MGAT4C: variants seen among roughly 807,000 people sequenced by gnomAD.
MGAT4C encodes alpha-1,3-mannosyl-glycoprotein 4-beta-N-acetylglucosaminyltransferase C.
In MGAT4C, 19 loss-of-function variants were observed where a neutral mutation model predicts 40.1. The ratio of observed to expected loss-of-function variants is 0.47; its 90% CI spans 0.33 to 0.70. The LOEUF is 0.70. MGAT4C is among the 30% of genes least tolerant of loss of function. MGAT4C has a pLI of 0.02. For missense variants in MGAT4C, 491 were observed against 563.2 expected (o/e 0.87, Z 1.30); for synonymous variants, 181 against 187.1 (o/e 0.97, Z 0.27).
chr12:86,320,855 T>C (rs1385510385), intron 4 of MGAT4C, among the ~76,000 whole-genome samples: 1 of 152,160 alleles, frequency 6.6e-6, no homozygotes, highest in Non-Finnish European at 1.5e-5. Context: ...AATGACATCA[T>C]AAAGTAGCAA....
intron 1 of MGAT4C, among the ~76,000 whole-genome samples, chr12:86,774,689 ATTCT>A (rs1951723059): frequency 6.6e-6 from 1 of 151,836 alleles, no homozygotes; most frequent in African/African-American, 2.4e-5. Context: ...TGTTAATATG[ATTCT>A]TTATTACTAT....
intron 1 of MGAT4C, among the ~76,000 whole-genome samples, chr12:86,156,034 C>T (rs1884889943): frequency 6.6e-6 from 1 of 152,158 alleles, no homozygotes; most frequent in Non-Finnish European, 1.5e-5. Context: ...ACCTGGAAAT[C>T]TTAAAATTTC....
intron 1 of MGAT4C, among the ~76,000 whole-genome samples, chr12:86,739,579 T>G (rs1951035602): frequency 6.6e-6 from 1 of 151,034 alleles, no homozygotes; most frequent in African/African-American, 2.4e-5. Flanking sequence ...CAGACTTTTC[T>G]TATCATTATT....
At chr12:86,788,805 T>C (rs1951976494) in intron 1 of MGAT4C, among the ~76,000 whole-genome samples, 1 of 152,122 alleles carries the variant, frequency 6.6e-6, no homozygotes, top group Non-Finnish European at 1.5e-5. Context: ...ATGTAGAAAA[T>C]GCTGTGCTAT....
intron 2 of MGAT4C, among the ~76,000 whole-genome samples, chr12:86,664,062 T>C (rs1017323471): frequency 6.6e-6 from 1 of 152,076 alleles, no homozygotes; most frequent in African/African-American, 2.4e-5. Context: ...TCAGTCAGTA[T>C]AAAAAACAAA....
intron 3 of MGAT4C, among the ~76,000 whole-genome samples, chr12:85,985,122 C>G (rs1243458078): frequency 6.6e-6 from 1 of 152,176 alleles, no homozygotes; most frequent in Admixed American, 6.6e-5. Flanking sequence ...TCAAGCTAGG[C>G]ATGTGCTAGC....
At position 85,957,595 on chromosome 12, in the gene MGAT4C, A is replaced by ATAGCTC. The variant is rs1882862525; in HGVS notation, c.*21688_*21693dup. ...ATCCTCCTTCTAGCTATGGCTGAAG[A>ATAGCTC]TAGCTCTGTTATGTCAAATAAAACC... is the stretch of plus-strand genomic sequence containing the variant. On this transcript the variant is annotated 3_prime_UTR_variant, in exon 5 of 5. Transcript: ENST00000611864. The ATAGCTC allele has an allele frequency of 6.7e-6, 1 of 149,772 alleles. No homozygotes were observed. Among genetic ancestry groups the ATAGCTC allele is most frequent in the Non-Finnish European group, 1.5e-5 (1 of 67,632 alleles). The allele number at this position is 149,772 out of a possible 1,614,324, so 9.3% of individuals were successfully genotyped here. A position where few individuals can be genotyped will look rare whatever the true frequency, so the allele number is the denominator to read the frequency against.
intron 2 of MGAT4C, among the ~76,000 whole-genome samples, chr12:86,628,653 A>G (rs1299569358): frequency 6.6e-6 from 1 of 152,178 alleles, no homozygotes; most frequent in Non-Finnish European, 1.5e-5. Context: ...ACTAAGCTTC[A>G]TAAGTGAAGG....
At chr12:86,405,089 T>C (rs1188400968) in intron 3 of MGAT4C, among the ~76,000 whole-genome samples, 1 of 152,054 alleles carries the variant, frequency 6.6e-6, no homozygotes, top group Non-Finnish European at 1.5e-5. Context: ...CCCAGAATGC[T>C]TTTTATCAAT....
At chr12:86,275,934 A>G (rs1332509940) in intron 4 of MGAT4C, among the ~76,000 whole-genome samples, 1 of 136,266 alleles carries the variant, frequency 7.3e-6, no homozygotes, top group Admixed American at 8.0e-5. Flanking sequence ...CCCCGTCTCT[A>G]CTAAAAATCC....
exon 3 of MGAT4C, chr12:86,435,256 T>C (rs1015528150): frequency 2.6e-5 from 4 of 151,918 alleles, no homozygotes; most frequent in Non-Finnish European, 5.9e-5. Context: ...ATCTGGCTGA[T>C]CTCCAGTTCC....
At chr12:86,001,937 G>A (rs920349817) in intron 2 of MGAT4C, 22 of 152,034 alleles carry the variant, frequency 1.4e-4, no homozygotes, top group African/African-American at 5.3e-4. Flanking sequence ...GAGACTTCAG[G>A]ATCTCTTTGG....
At chr12:86,020,672 A>G (rs191332766) in intron 2 of MGAT4C, among the ~76,000 whole-genome samples, 110 of 152,352 alleles carry the variant, frequency 7.2e-4, no homozygotes, top group African/African-American at 2.5e-3. Context: ...GGACATAGGC[A>G]TGGGCAAGGA....
intron 3 of MGAT4C, among the ~76,000 whole-genome samples, chr12:86,375,766 TTAACAATGAGAACAC>T (rs1173419512): frequency 6.6e-6 from 1 of 152,060 alleles, no homozygotes; most frequent in African/African-American, 2.4e-5. Context: ...AAGATTGTCA[TTAACAATGAGAACAC>T]TAACAATGAG....
At chr12:86,107,625 T>G (rs984302878) in intron 1 of MGAT4C, among the ~76,000 whole-genome samples, 4 of 152,148 alleles carry the variant, frequency 2.6e-5, no homozygotes, top group Non-Finnish European at 5.9e-5. Context: ...ATGTACAACA[T>G]CTCATGTATT....
intron 4 of MGAT4C, among the ~76,000 whole-genome samples, chr12:86,324,683 T>C (rs1954483254): frequency 6.6e-6 from 1 of 151,948 alleles, no homozygotes; most frequent in Middle Eastern, 3.2e-3. Flanking sequence ...AACTAATCCA[T>C]AGAGAAACGA....
chr12:86,037,133 A>T (rs1287894165), intron 2 of MGAT4C, among the ~76,000 whole-genome samples: 1 of 150,018 alleles, frequency 6.7e-6, no homozygotes, highest in Non-Finnish European at 1.5e-5. Context: ...ATCAGTGGTG[A>T]TATCCCCTCG....
At chr12:86,630,296 A>G (rs907057169) in intron 2 of MGAT4C, among the ~76,000 whole-genome samples, 4 of 152,132 alleles carry the variant, frequency 2.6e-5, no homozygotes, top group African/African-American at 9.6e-5. Context: ...AGGACCAGAC[A>G]GATTCACAGC....
intron 4 of MGAT4C, among the ~76,000 whole-genome samples, chr12:86,320,378 C>T (rs1399738950): frequency 6.6e-6 from 1 of 152,062 alleles, no homozygotes; most frequent in Non-Finnish European, 1.5e-5. Flanking sequence ...AGATGTTCTG[C>T]ATAAAGGTGG....
Sources: gnomAD v4.1 joint callset for allele counts (sites outside exome capture counted in the v4.1 genomes callset) on GRCh38, gnomAD v4.1.1 for gene constraint, MANE v1.5 for transcripts, NCBI Gene and HGNC (gene_info 2026-07-23, HGNC 2026-07-21) for gene names.